The following MLIP variants were observed in gnomAD, a reference collection of about 807,000 sequenced individuals.
MLIP encodes the protein muscular LMNA interacting protein.
A neutral mutation model predicts 84.8 loss-of-function variants in MLIP; 79 were observed. That is an observed-to-expected ratio of 0.93 (90% CI 0.78 to 1.12). The LOEUF (loss-of-function observed/expected upper bound fraction) is 1.12, where lower values mean the gene tolerates loss of function less well. Ranked by LOEUF, MLIP falls within the 50% of genes most tolerant of loss-of-function variation. MLIP has a pLI of 0.00. For synonymous variants in MLIP, 504 were observed against 463.0 expected (o/e 1.09, Z -1.14); for missense variants, 1,257 against 1,160.6 (o/e 1.08, Z -1.21).
intron 5 of MLIP, among the ~76,000 whole-genome samples, chr6:54,157,635 A>G (rs1195740824): frequency 6.6e-6 from 1 of 152,096 alleles, no homozygotes; most frequent in East Asian, 1.9e-4. Flanking sequence ...TTATCTGTAC[A>G]GTGTCAACAG....
In MLIP at chr6:54,186,986, C is replaced by T. The variant is rs1340666; in HGVS notation, c.2545-2884C>T. Among the ~76,000 whole-genome samples, 845 of 152,122 alleles carry T rather than the reference C, an allele frequency of 5.6e-3. 14 individuals are homozygous for T. Among genetic ancestry groups the T allele is most frequent in the African/African-American group, 0.018 (764 of 41,480 alleles). On this transcript the variant is annotated intron_variant, in intron 9 of 13. Coordinates refer to ENST00000502396, the MANE Select transcript of MLIP (RefSeq NM_001281747.2). ...ATCTATTGCATAATTCTATAACCTA[C>T]AAGGCCATATTGACCATGAAGCATG... is the stretch of plus-strand genomic sequence containing the variant.
chr6:54,197,557 G>A (rs766127673), intron 10 of MLIP, among the ~76,000 whole-genome samples: 26 of 152,080 alleles, frequency 1.7e-4, no homozygotes, highest in Non-Finnish European at 3.4e-4. Context: ...TGATATTTTC[G>A]ATTTGGAGAA....
intron 1 of MLIP, among the ~76,000 whole-genome samples, chr6:54,120,465 C>G (rs1770350683): frequency 6.6e-6 from 1 of 152,164 alleles, no homozygotes; most frequent in African/African-American, 2.4e-5. Flanking sequence ...TTTCAAACCC[C>G]TGATCTCAGG....
intron 12 of MLIP, among the ~76,000 whole-genome samples, chr6:54,241,701 A>ACATTTTAC (rs1385041131): frequency 6.6e-6 from 1 of 152,182 alleles, no homozygotes; most frequent in African/African-American, 2.4e-5. Context: ...TACTTATAAT[A>ACATTTTAC]CATTTTACCT....
At chr6:54,088,024 G>A (rs1176302474) in intron 1 of MLIP, among the ~76,000 whole-genome samples, 1 of 152,064 alleles carries the variant, frequency 6.6e-6, no homozygotes, top group Non-Finnish European at 1.5e-5. Context: ...CTTCAGAAAC[G>A]GCCATGGTAT....
intron 1 of MLIP, among the ~76,000 whole-genome samples, chr6:54,070,300 T>C (rs377715971): frequency 3.3e-5 from 5 of 152,158 alleles, no homozygotes; most frequent in African/African-American, 1.2e-4. Context: ...TTTGATATGA[T>C]GTTAGATTTT....
At chr6:54,088,437 G>A (rs756662588) in intron 1 of MLIP, among the ~76,000 whole-genome samples, 1 of 152,020 alleles carries the variant, frequency 6.6e-6, no homozygotes, top group Non-Finnish European at 1.5e-5. Context: ...AGTGTGGCCG[G>A]CCACAAAGAC....
intron 1 of MLIP, among the ~76,000 whole-genome samples, chr6:54,058,681 A>T (rs1326860139): frequency 6.6e-6 from 1 of 152,216 alleles, no homozygotes; most frequent in Non-Finnish European, 1.5e-5. Flanking sequence ...AAATAATTTG[A>T]CTAGGAATTG....
At chr6:54,062,564 G>A (rs1766028195) in intron 1 of MLIP, among the ~76,000 whole-genome samples, 1 of 152,140 alleles carries the variant, frequency 6.6e-6, no homozygotes, top group African/African-American at 2.4e-5. Flanking sequence ...CTTCCATAAA[G>A]TGGGGCCCTG....
chr6:54,103,606 A>T (rs955752519), intron 1 of MLIP, among the ~76,000 whole-genome samples: 2 of 152,144 alleles, frequency 1.3e-5, no homozygotes, highest in African/African-American at 4.8e-5. Context: ...GTTCCTCTCT[A>T]TGTAATTCTT....
intron 10 of MLIP, among the ~76,000 whole-genome samples, chr6:54,197,754 G>A (rs1454934082): frequency 2.6e-5 from 4 of 152,046 alleles, no homozygotes; most frequent in Non-Finnish European, 5.9e-5. Flanking sequence ...AATGAAAGAA[G>A]GGCCTCTTAA....
At chr6:54,108,882 T>C (rs1484834170), upstream of MLIP, among the ~76,000 whole-genome samples, 2 of 152,138 alleles carry the variant, frequency 1.3e-5, no homozygotes, top group South Asian at 2.1e-4. Context: ...AAGAGTTTCA[T>C]AGCGTTTGAA....
chr6:54,114,029 T>C (rs1370393004), intron 1 of MLIP, among the ~76,000 whole-genome samples: 2 of 152,204 alleles, frequency 1.3e-5, no homozygotes, highest in Non-Finnish European at 2.9e-5. Flanking sequence ...TTCCTCAGTG[T>C]AGACTGTGAG....
chr6:54,160,312 T>C (rs1774483154), intron 5 of MLIP, 55 bp from the exon 6 acceptor site: 11 of 1,400,940 alleles, frequency 7.9e-6, no homozygotes, highest in Non-Finnish European at 1.1e-5. Context: ...GATACTTTTC[T>C]ACTCCAGTTG....
chr6:54,081,062 G>A (rs1315456508), intron 1 of MLIP, among the ~76,000 whole-genome samples: 2 of 152,038 alleles, frequency 1.3e-5, no homozygotes, highest in African/African-American at 2.4e-5. Flanking sequence ...CAAGCCAAGG[G>A]CTGTTTTATT....
At chr6:54,092,214 TAG>T (rs1767916139) in intron 1 of MLIP, among the ~76,000 whole-genome samples, 2 of 152,232 alleles carry the variant, frequency 1.3e-5, no homozygotes, top group East Asian at 3.8e-4. Context: ...GTGTTTCCTC[TAG>T]GGCTTCCAGA....
chr6:54,207,285 T>C (rs1282284009), intron 11 of MLIP, among the ~76,000 whole-genome samples: 1 of 152,144 alleles, frequency 6.6e-6, no homozygotes, highest in Non-Finnish European at 1.5e-5. Context: ...ATCAGCACGA[T>C]AAACTAGTTT....
At position 54,189,346 on chromosome 6, in the gene MLIP, A is replaced by G. The variant is rs546509686; in HGVS notation, c.2545-524A>G. On this transcript the variant is annotated intron_variant, in intron 9 of 13. Coordinates refer to ENST00000502396, the MANE Select transcript of MLIP (RefSeq NM_001281747.2). ...GAAATATAGGAGCCAATGACAAACA[A>G]TATTAATCTGCTCTTTAATTTAAAC... Among the ~76,000 whole-genome samples, 4 of 152,332 alleles carry G rather than the reference A, an allele frequency of 2.6e-5. No homozygotes were observed. The South Asian group carries it at 8.3e-4, about 32-fold the overall frequency.
chr6:54,238,614 T>G (rs530861709), intron 12 of MLIP, among the ~76,000 whole-genome samples: 1 of 152,028 alleles, frequency 6.6e-6, no homozygotes, highest in African/African-American at 2.4e-5. Context: ...ACTAGAGGAG[T>G]GAGGACTAAG....
Sources: allele counts gnomAD v4.1 joint callset (sites outside exome capture counted in the v4.1 genomes callset), GRCh38; gene constraint gnomAD v4.1.1; transcripts MANE v1.5; gene names NCBI Gene and HGNC (gene_info 2026-07-23, HGNC 2026-07-21).